DROSHA: variants seen among roughly 807,000 people sequenced by gnomAD.
DROSHA encodes the protein ribonuclease 3.
DROSHA carries 56 observed loss-of-function variants against 181.9 expected under a neutral mutation model. The observed-to-expected ratio is 0.31, with a 90% confidence interval of 0.25 to 0.38. The LOEUF is 0.38. Among genes scored for constraint, DROSHA ranks in the 10% least tolerant of loss-of-function variants. DROSHA has a pLI of 1.00. For missense variants in DROSHA, 1,218 were observed against 1,743.5 expected (o/e 0.70, Z 5.37); for synonymous variants, 524 against 591.2 (o/e 0.89, Z 1.65).
At chr5:31,405,755 A>ATTTT in intron 34 of DROSHA, 32 bp from the exon 35 acceptor site, 1 of 1,083,814 alleles carries the variant, frequency 9.2e-7, no homozygotes, top group Non-Finnish European at 1.3e-6. Flanking sequence ...GACATACTTT[A>ATTTT]ATTTCAAGAT....
intron 20 of DROSHA, among the ~76,000 whole-genome samples, chr5:31,455,643 T>C (rs1460117841): frequency 2.1e-4 from 30 of 141,576 alleles, no homozygotes; most frequent in Non-Finnish European, 9.1e-5. Flanking sequence ...TTATCACACT[T>C]TTTTTTTTTT....
intron 21 of DROSHA, among the ~76,000 whole-genome samples, chr5:31,450,865 C>G (rs1266879290): frequency 1.3e-5 from 2 of 152,092 alleles, no homozygotes; most frequent in African/African-American, 2.4e-5. Flanking sequence ...AACGAATTTC[C>G]AGATCTCTGA....
intron 20 of DROSHA, among the ~76,000 whole-genome samples, chr5:31,456,264 T>C (rs188394730): frequency 6.6e-6 from 1 of 152,184 alleles, no homozygotes; most frequent in Admixed American, 6.5e-5. Context: ...ATATAAGAAA[T>C]AATTAAACAT....
At chr5:31,455,164 C>T (rs549574940) in intron 20 of DROSHA, among the ~76,000 whole-genome samples, 3 of 151,746 alleles carry the variant, frequency 2.0e-5, no homozygotes, top group South Asian at 4.2e-4. Flanking sequence ...AGAAGGAACA[C>T]AAAATCATAT....
At chr5:31,436,718 A>G (rs1254128901) in intron 24 of DROSHA, among the ~76,000 whole-genome samples, 1 of 149,806 alleles carries the variant, frequency 6.7e-6, no homozygotes, top group East Asian at 2.0e-4. Flanking sequence ...CAAATTAAGG[A>G]TCCTAAAACA....
chr5:31,492,594 T>C (rs368134432), intron 13 of DROSHA, among the ~76,000 whole-genome samples: 105 of 152,310 alleles, frequency 6.9e-4, no homozygotes, highest in African/African-American at 2.4e-3. Flanking sequence ...TCACTCTACA[T>C]CCAACTGCAA....
intron 25 of DROSHA, 89 bp from the exon 26 acceptor site, chr5:31,431,767 G>A (rs933720243): frequency 5.2e-5 from 64 of 1,228,594 alleles, no homozygotes; most frequent in Middle Eastern, 3.8e-4. Flanking sequence ...GAGTTGGTGC[G>A]GAGACGAGAT....
chr5:31,410,744 A>C lies in DROSHA; in HGVS notation c.3667+2T>G, dbSNP rs1741214356. The stretch of plus-strand genomic sequence containing the variant: ...GTTGAGAGAAAAGTGTGTGGCACTC[A>C]CATTCCAAAAGGTCCGCCAAGGTCT... On this transcript the variant is annotated splice_donor_variant, in intron 31 of 35. Coordinates refer to ENST00000344624, the MANE Select transcript of DROSHA (RefSeq NM_001382508.1). LOFTEE classifies it high-confidence loss of function. 1 of 1,612,722 alleles carries C rather than the reference A, an allele frequency of 6.2e-7. No individual in the cohort carries two copies. Among genetic ancestry groups the C allele is most frequent in the Non-Finnish European group, 8.5e-7 (1 of 1,179,382 alleles).
rs371865735 is a variant in DROSHA at position 31,483,824 on chromosome 5, G to C, written c.1997-196C>G. On this transcript the variant is annotated intron_variant, in intron 15 of 35. Transcript: ENST00000344624. ...ATTGGTAACTGCCACAAGCACCCAA[G>C]GAAGACTGCAATGAGGAGACTACAG... Among the ~76,000 whole-genome samples, 95 of 152,224 alleles carry C rather than the reference G, an allele frequency of 6.2e-4. No individual in the cohort carries two copies. In the East Asian group the frequency reaches 0.012, roughly 20 times the overall value.
Position 31,511,013 on chromosome 5 carries a change from CTAGT to C in DROSHA, c.1432+18_1432+21del, listed in dbSNP as rs774792069. The C allele has an allele frequency of 1.2e-6, 2 of 1,613,302 alleles. No homozygotes were observed. Among genetic ancestry groups the C allele is most frequent in the South Asian group, 1.1e-5 (1 of 90,876 alleles). On this transcript the variant is annotated intron_variant, in intron 9 of 35. Coordinates refer to ENST00000344624, the MANE Select transcript of DROSHA (RefSeq NM_001382508.1). ...AAGCTATAATCGCAAGGGTCTCAGG[CTAGT>C]TAGTGACTCTGACTCACCTAAATCT... is the stretch of plus-strand genomic sequence containing the variant.
At chr5:31,422,652 G>C (rs1286374654) in intron 29 of DROSHA, 135 bp downstream of exon 29, 3 of 1,078,072 alleles carry the variant, frequency 2.8e-6, no homozygotes, top group African/African-American at 1.6e-5. Context: ...AGGTCTGTCT[G>C]CTCACCCATC....
At position 31,508,958 on chromosome 5, in the gene DROSHA, G is replaced by T. The variant is rs558310724; in HGVS notation, c.1433-183C>A. ...CTGCCTTAGCCTCCCGAGTAGCTGG[G>T]ATTACAGGCGCCTGCCACCACACCC... On this transcript the variant is annotated intron_variant, in intron 9 of 35. Coordinates refer to ENST00000344624, the MANE Select transcript of DROSHA (RefSeq NM_001382508.1). Among the ~76,000 whole-genome samples the T allele has an allele frequency of 3.4e-4, 51 of 152,112 alleles. 1 individual carries two copies. The highest frequency in any genetic ancestry group is 6.8e-3 in the Middle Eastern group (2 of 294).
intron 27 of DROSHA, among the ~76,000 whole-genome samples, chr5:31,425,865 A>C (rs2149998391): frequency 6.6e-6 from 1 of 152,268 alleles, no homozygotes; most frequent in African/African-American, 2.4e-5. Context: ...CTTAAGACAA[A>C]GATAATTGTA....
chr5:31,511,126 T>G lies in DROSHA; in HGVS notation c.1341A>C (p.Lys447Asn), dbSNP rs1363185295. 21 of 1,613,678 alleles carry G rather than the reference T, an allele frequency of 1.3e-5. No individual in the cohort carries two copies. Among genetic ancestry groups the G allele is most frequent in the Non-Finnish European group, 1.5e-5 (18 of 1,179,828 alleles). The part of the protein sequence containing the change: ...GTSRLRDLYD[K>N]FEEELGSRQE... ...GCCTGCTCCCCAACTCCTCCTCAAATTTGTCATATAAGTCACGAAGCCTAC... is the reference window on the plus strand; with the variant it reads ...GCCTGCTCCCCAACTCCTCCTCAAAGTTGTCATATAAGTCACGAAGCCTAC... Residue 447 changes from lysine to asparagine, a missense_variant, in exon 9 of 36, where the codon AAA becomes AAC. By Grantham distance (94) the Lys-to-Asn change is moderately conservative. Around this residue, in one of 8 missense-constraint regions of DROSHA, gnomAD observed 460 missense variants for 774.2 expected, o/e 0.59. Coordinates refer to ENST00000344624, the MANE Select transcript of DROSHA (RefSeq NM_001382508.1).
At chr5:31,477,737 C>T (rs1750568330) in intron 16 of DROSHA, among the ~76,000 whole-genome samples, 1 of 152,208 alleles carries the variant, frequency 6.6e-6, no homozygotes, top group African/African-American at 2.4e-5. Context: ...GAATCACGAC[C>T]TACCTTTGCC....
intron 17 of DROSHA, among the ~76,000 whole-genome samples, chr5:31,469,353 T>A (rs1749477136): frequency 6.6e-6 from 1 of 151,708 alleles, no homozygotes; most frequent in Non-Finnish European, 1.5e-5. Flanking sequence ...TGAGACTCTG[T>A]CTCAAAAAAC....
chr5:31,464,959 ACCACCC>A (rs1748837579), intron 19 of DROSHA, among the ~76,000 whole-genome samples: 1 of 152,058 alleles, frequency 6.6e-6, no homozygotes, highest in African/African-American at 2.4e-5. Context: ...AATAACAGGA[ACCACCC>A]CCACCCCCAC....
At chr5:31,497,926 G>A (rs1753175979) in intron 11 of DROSHA, among the ~76,000 whole-genome samples, 1 of 152,166 alleles carries the variant, frequency 6.6e-6, no homozygotes, top group Non-Finnish European at 1.5e-5. Context: ...ATATAGCCAG[G>A]GACTTAGATG....
chr5:31,405,375 CAAA>C (rs554435489), intron 35 of DROSHA, among the ~76,000 whole-genome samples: 4 of 119,890 alleles, frequency 3.3e-5, no homozygotes, highest in East Asian at 2.3e-4. Context: ...AACTCCATCT[CAAA>C]AAAAAAAAAA....
Sources: allele counts gnomAD v4.1 joint callset (sites outside exome capture counted in the v4.1 genomes callset), GRCh38; gene constraint gnomAD v4.1.1; regional missense constraint gnomAD v4.1.1; transcripts MANE v1.5; gene names NCBI Gene and HGNC (gene_info 2026-07-23, HGNC 2026-07-21).